BTG4: variants seen among roughly 807,000 people sequenced by gnomAD.
BTG4 encodes the protein protein BTG4.
A neutral mutation model predicts 19.3 loss-of-function variants in BTG4; 10 were observed. That is an observed-to-expected ratio of 0.52 (90% CI 0.32 to 0.88). BTG4 has a LOEUF of 0.88. Ranked by LOEUF, BTG4 falls within the 40% of genes least tolerant of loss-of-function variation. BTG4 has a pLI of 0.04. For missense variants in BTG4, 238 were observed against 281.9 expected, an observed-to-expected ratio of 0.84 and a Z score of 1.11; for synonymous variants, 91 against 95.7, an observed-to-expected ratio of 0.95 and a Z score of 0.29.
chr11:111,432,471 C>G, the BTG4 span, among the ~76,000 whole-genome samples: 1 of 152,038 alleles, frequency 6.6e-6, no homozygotes, highest in African/African-American at 2.4e-5. Context: ...TGGTGAAACC[C>G]CATCTCTACT....
the BTG4 span, among the ~76,000 whole-genome samples, chr11:111,447,283 G>T: frequency 2.0e-5 from 3 of 152,204 alleles, no homozygotes; most frequent in South Asian, 6.2e-4. Context: ...TTCTTTAAGA[G>T]CACTTGACTG....
chr11:111,459,108 G>T, the BTG4 span, among the ~76,000 whole-genome samples: 1 of 152,096 alleles, frequency 6.6e-6, no homozygotes, highest in Non-Finnish European at 1.5e-5. Flanking sequence ...CAGACATAGT[G>T]GTGGGAGCCT....
At chr11:111,430,631 T>C in the BTG4 span, among the ~76,000 whole-genome samples, 1 of 152,248 alleles carries the variant, frequency 6.6e-6, no homozygotes, top group African/African-American at 2.4e-5. Flanking sequence ...CATCTTGACT[T>C]TTCCCTTGGC....
At chr11:111,481,538 A>G (rs1018240298) in intron 5 of BTG4, among the ~76,000 whole-genome samples, 7 of 151,868 alleles carry the variant, frequency 4.6e-5, no homozygotes, top group Non-Finnish European at 7.4e-5. Flanking sequence ...AGAACTGTAG[A>G]CCAATATATT....
At chr11:111,398,776 G>A in the BTG4 span, among the ~76,000 whole-genome samples, 6 of 151,940 alleles carry the variant, frequency 3.9e-5, no homozygotes, top group South Asian at 1.2e-3. Flanking sequence ...CACCTGTGGA[G>A]TTTTGTTTTT....
the BTG4 span, among the ~76,000 whole-genome samples, chr11:111,436,947 C>T: frequency 2.2e-4 from 33 of 152,232 alleles, no homozygotes; most frequent in African/African-American, 7.7e-4. Context: ...CATCACCCTG[C>T]CCTGGGGCTG....
the BTG4 span, chr11:111,454,284 C>G: frequency 4.6e-5 from 21 of 456,394 alleles, no homozygotes; most frequent in African/African-American, 3.6e-4. Flanking sequence ...TGGTTTGACA[C>G]AGAGGCCTTC....
At chr11:111,505,000 C>T (rs1361647737) in intron 1 of BTG4, among the ~76,000 whole-genome samples, 1 of 151,918 alleles carries the variant, frequency 6.6e-6, no homozygotes, top group Non-Finnish European at 1.5e-5. Context: ...ACATTCCATG[C>T]TATGAATTGG....
chr11:111,490,936 T>C (rs983250410), downstream of BTG4, among the ~76,000 whole-genome samples: 2 of 152,262 alleles, frequency 1.3e-5, no homozygotes, highest in African/African-American at 4.8e-5. Context: ...TCTACACAAA[T>C]GTTTGTAGCA....
intron 5 of BTG4, among the ~76,000 whole-genome samples, chr11:111,487,730 A>C (rs907429480): frequency 6.6e-6 from 1 of 152,192 alleles, no homozygotes; most frequent in Non-Finnish European, 1.5e-5. Context: ...CACACCAAAA[A>C]TCTATTGAAA....
chr11:111,423,519 T>C, the BTG4 span, among the ~76,000 whole-genome samples: 1 of 152,136 alleles, frequency 6.6e-6, no homozygotes, highest in Admixed American at 6.5e-5. Flanking sequence ...GCATTCCTAC[T>C]AACTACCTCC....
chr11:111,500,086 G>C (rs1024591140), intron 1 of BTG4, among the ~76,000 whole-genome samples: 2 of 151,732 alleles, frequency 1.3e-5, no homozygotes, highest in South Asian at 2.1e-4. Flanking sequence ...AGGATGCAGT[G>C]AGCCAAGATC....
chr11:111,440,676 A>G, the BTG4 span, among the ~76,000 whole-genome samples: 1 of 152,212 alleles, frequency 6.6e-6, no homozygotes, highest in African/African-American at 2.4e-5. Flanking sequence ...TTGTTCACAG[A>G]TAGCTTTAGA....
At chr11:111,448,494 A>T in the BTG4 span, 1 of 152,982 alleles carries the variant, frequency 6.5e-6, no homozygotes, top group African/African-American at 2.4e-5. Context: ...TCCCCCGGGA[A>T]CTTTCCTGTC....
chr11:111,473,360 C>T (rs1864195209), intron 5 of BTG4: 1 of 152,604 alleles, frequency 6.6e-6, no homozygotes, highest in African/African-American at 2.4e-5. Flanking sequence ...TCCTAAAAAG[C>T]ATCCTCGCTG....
At chr11:111,387,162 CT>C in the BTG4 span, among the ~76,000 whole-genome samples, 3 of 152,182 alleles carry the variant, frequency 2.0e-5, no homozygotes, top group Non-Finnish European at 4.4e-5. Flanking sequence ...CATATCTTTG[CT>C]CTCAAAATTC....
the BTG4 span, among the ~76,000 whole-genome samples, chr11:111,404,124 G>A: frequency 6.6e-6 from 1 of 151,906 alleles, no homozygotes. Flanking sequence ...CATGAAATCT[G>A]ATGGTTTTAT....
chr11:111,498,112 T>C lies in BTG4; in HGVS notation c.197A>G (p.Gln66Arg), dbSNP rs1865850135. ...CCTTTCTAGAATGGGATCTTTATTCTGATTGTTGTTTATCCTGATGCACCT... is the reference window on the plus strand; with the variant it reads ...CCTTTCTAGAATGGGATCTTTATTCCGATTGTTGTTTATCCTGATGCACCT... Reference protein sequence around the residue: ...AFRCIRINNNQNKDPILERAC... With the variant: ...AFRCIRINNNRNKDPILERAC... The change falls in exon 3 of 5, where the codon CAG (glutamine) becomes CGG (arginine). Residue 66 changes from glutamine (Q) to arginine (R), a missense_variant. By Grantham distance (43) the Gln-to-Arg change is conservative (BLOSUM62 1). Coordinates refer to ENST00000692032, the MANE Select transcript of BTG4 (RefSeq NM_001367975.1). 3 of 1,613,986 alleles carry C rather than the reference T, an allele frequency of 1.9e-6. No individual in the cohort carries two copies. The highest frequency in any genetic ancestry group is 1.3e-5 in the African/African-American group (1 of 74,930).
intron 5 of BTG4, among the ~76,000 whole-genome samples, chr11:111,470,366 T>A (rs1863990014): frequency 6.6e-6 from 1 of 152,174 alleles, no homozygotes; most frequent in South Asian, 2.1e-4. Flanking sequence ...ATTACAGGCA[T>A]GAACCATGGC....
Sources: gnomAD v4.1 joint callset for allele counts (sites outside exome capture counted in the v4.1 genomes callset) on GRCh38, gnomAD v4.1.1 for gene constraint, MANE v1.5 for transcripts, NCBI Gene and HGNC (gene_info 2026-07-23, HGNC 2026-07-21) for gene names.